The following GLRA3 variants were observed in gnomAD, a reference collection of about 807,000 sequenced individuals.
The protein encoded by GLRA3 is glycine receptor alpha 3, also known as glycine receptor subunit alpha-3.
GLRA3 carries 44 observed loss-of-function variants against 60.4 expected under a neutral mutation model. The ratio of observed to expected loss-of-function variants is 0.73; its 90% CI spans 0.57 to 0.94. The LOEUF (loss-of-function observed/expected upper bound fraction) is 0.94, where lower values mean the gene tolerates loss of function less well. Among genes scored for constraint, GLRA3 ranks in the 40% least tolerant of loss-of-function variants. GLRA3 has a pLI of 0.00. For synonymous variants in GLRA3, 223 were observed against 192.9 expected (o/e 1.16, Z -1.29); for missense variants, 508 against 564.6 (o/e 0.90, Z 1.02).
At chr4:174,724,266 C>G (rs10032594) in intron 4 of GLRA3, among the ~76,000 whole-genome samples, 91,503 of 151,438 alleles carry the variant, frequency 0.6, 28,326 homozygotes, top group East Asian at 0.8. Context: ...TTCAGTGGGT[C>G]TCTTTGTAAA....
intron 9 of GLRA3, among the ~76,000 whole-genome samples, chr4:174,647,797 T>C (rs1262187749): frequency 6.6e-6 from 1 of 152,212 alleles, no homozygotes; most frequent in Non-Finnish European, 1.5e-5. Context: ...TAGTTTTCAT[T>C]CTTTATTTCA....
intron 4 of GLRA3, among the ~76,000 whole-genome samples, chr4:174,722,345 G>A (rs938037285): frequency 2.0e-5 from 3 of 152,172 alleles, no homozygotes; most frequent in African/African-American, 2.4e-5. Flanking sequence ...CAGGAATAGA[G>A]GGTCCACTTG....
chr4:174,787,479 A>G (rs1007727530), intron 2 of GLRA3, among the ~76,000 whole-genome samples: 2 of 151,738 alleles, frequency 1.3e-5, no homozygotes, highest in African/African-American at 4.8e-5. Flanking sequence ...GAAATTTCTC[A>G]TTTTCATTTG....
chr4:174,684,555 T>C (rs914427571), intron 5 of GLRA3, among the ~76,000 whole-genome samples: 15 of 152,216 alleles, frequency 9.9e-5, no homozygotes, highest in African/African-American at 3.6e-4. Context: ...GCTATTGAAA[T>C]GTATGTTTAA....
At chr4:174,649,002 G>A (rs547913683) in intron 9 of GLRA3, among the ~76,000 whole-genome samples, 27 of 152,188 alleles carry the variant, frequency 1.8e-4, no homozygotes, top group Non-Finnish European at 3.7e-4. Context: ...TAAATCCCAC[G>A]GTGCCAATGG....
At chr4:174,791,012 A>G (rs1282078309) in intron 1 of GLRA3, among the ~76,000 whole-genome samples, 1 of 151,228 alleles carries the variant, frequency 6.6e-6, no homozygotes, top group Non-Finnish European at 1.5e-5. Context: ...TCAAAAAAAA[A>G]AAAAAAATAC....
chr4:174,730,759 T>C (rs971580916), intron 3 of GLRA3, among the ~76,000 whole-genome samples: 2 of 152,200 alleles, frequency 1.3e-5, no homozygotes, highest in Admixed American at 6.5e-5. Context: ...AACAGTCACC[T>C]GTCACCAAGG....
rs1355719051 is a variant in GLRA3 at position 174,643,173 on chromosome 4, G to A, written c.*613C>T. On this transcript the variant is annotated 3_prime_UTR_variant, in exon 10 of 10. Coordinates refer to ENST00000274093, the MANE Select transcript of GLRA3 (RefSeq NM_006529.4). The stretch of plus-strand genomic sequence containing the variant: ...TTGTTATTTGTTTTAAATTTGCACA[G>A]AGGAAAACTTAATATTCTAAACAAT... 4 of 845,990 alleles carry A rather than the reference G, an allele frequency of 4.7e-6. No individual in the cohort carries two copies. In the African/African-American group the frequency reaches 7.4e-5, roughly 16 times the overall value. The allele number at this position is 845,990 out of a possible 1,614,324, so 52.4% of individuals were successfully genotyped here. A position where few individuals can be genotyped will look rare whatever the true frequency, so the allele number is the denominator to read the frequency against.
intron 3 of GLRA3, among the ~76,000 whole-genome samples, chr4:174,737,422 C>T (rs1191355027): frequency 2.6e-5 from 4 of 152,158 alleles, no homozygotes; most frequent in African/African-American, 9.7e-5. Context: ...TTGTATTTGA[C>T]ATTTGTCCTC....
At chr4:174,717,444 CTAAA>C (rs1456665666) in intron 4 of GLRA3, among the ~76,000 whole-genome samples, 1 of 152,142 alleles carries the variant, frequency 6.6e-6, no homozygotes, top group Non-Finnish European at 1.5e-5. Flanking sequence ...TGCAGCTCTA[CTAAA>C]TATAACCACA....
At chr4:174,738,661 G>A (rs935688894) in intron 3 of GLRA3, among the ~76,000 whole-genome samples, 1 of 152,068 alleles carries the variant, frequency 6.6e-6, no homozygotes, top group African/African-American at 2.4e-5. Context: ...TGATCTGTTC[G>A]GAATCGATTG....
At chr4:174,778,328 A>ATTTCT (rs1004121728) in intron 2 of GLRA3, among the ~76,000 whole-genome samples, 1 of 151,910 alleles carries the variant, frequency 6.6e-6, no homozygotes, top group Non-Finnish European at 1.5e-5. Flanking sequence ...AAAAATAACT[A>ATTTCT]TTTCTTTTCT....
In GLRA3 at chr4:174,640,346, G is replaced by A. The variant is rs554274778; in HGVS notation, c.*3440C>T. ...GCAAGTATTTTCCATTTCAATTTTG[G>A]CAAGTCTCTTGTATTCTCTCATGTC... is the stretch of plus-strand genomic sequence containing the variant. On this transcript the variant is annotated 3_prime_UTR_variant, in exon 10 of 10. Coordinates refer to ENST00000274093, the MANE Select transcript of GLRA3 (RefSeq NM_006529.4). 10 of 151,922 alleles carry A rather than the reference G, an allele frequency of 6.6e-5. No individual in the cohort carries two copies. The highest frequency in any genetic ancestry group is 2.1e-4 in the South Asian group (1 of 4,820). 9.4% of individuals were successfully genotyped at this position (151,922 alleles called of 1,614,324 possible).
chr4:174,705,637 A>T lies in GLRA3; in HGVS notation c.574+9851T>A, dbSNP rs978635849. ...GGAGTCATTCCGGACAACCAACTTG[A>T]TGTTTTCTTTAATGGATCTTTGGGT... On this transcript the variant is annotated intron_variant, in intron 5 of 9. Transcript: ENST00000274093. Among the ~76,000 whole-genome samples, 11 of 143,630 alleles carry T rather than the reference A, an allele frequency of 7.7e-5. 1 individual carries two copies. The highest frequency in any genetic ancestry group is 1.8e-4 in the African/African-American group (7 of 39,850). The allele number at this position is 143,630 out of a possible 152,430, so 94.2% of individuals were successfully genotyped here.
intron 1 of GLRA3, among the ~76,000 whole-genome samples, chr4:174,813,404 T>G (rs1740347303): frequency 6.6e-6 from 1 of 152,178 alleles, no homozygotes; most frequent in South Asian, 2.1e-4. Flanking sequence ...TCACTTCCTC[T>G]TCAGAGCAAT....
chr4:174,750,275 A>C (rs1737415158), intron 3 of GLRA3, among the ~76,000 whole-genome samples: 1 of 152,300 alleles, frequency 6.6e-6, no homozygotes, highest in African/African-American at 2.4e-5. Context: ...CAGAGATTCT[A>C]GATGCTGTGT....
At chr4:174,677,480 C>T (rs1308407562) in intron 6 of GLRA3, among the ~76,000 whole-genome samples, 188 bp from the exon 7 acceptor site, 1 of 152,050 alleles carries the variant, frequency 6.6e-6, no homozygotes, top group African/African-American at 2.4e-5. Flanking sequence ...CTGCCTCAGC[C>T]TCCCAAGTAG....
intron 9 of GLRA3, among the ~76,000 whole-genome samples, chr4:174,654,824 G>A (rs977633237): frequency 6.6e-6 from 1 of 152,082 alleles, no homozygotes; most frequent in African/African-American, 2.4e-5. Flanking sequence ...ACTGGAGATA[G>A]CATCCATGAC....
chr4:174,660,921 T>A (rs531879701), intron 7 of GLRA3, among the ~76,000 whole-genome samples: 2 of 152,324 alleles, frequency 1.3e-5, no homozygotes, highest in African/African-American at 4.8e-5. Flanking sequence ...CCCCTAGATG[T>A]TAGCACATAT....
Sources: allele counts gnomAD v4.1 joint callset (sites outside exome capture counted in the v4.1 genomes callset), GRCh38; gene constraint gnomAD v4.1.1; transcripts MANE v1.5; gene names NCBI Gene and HGNC (gene_info 2026-07-23, HGNC 2026-07-21).